Variants in ABAT observed in about 807,000 individuals in gnomAD.
ABAT encodes 4-aminobutyrate aminotransferase, mitochondrial.
In ABAT, 45 loss-of-function variants were observed where a neutral mutation model predicts 64.6. That is an observed-to-expected ratio of 0.70 (90% CI 0.55 to 0.89). The LOEUF is 0.89. ABAT is among the 40% of genes least tolerant of loss of function. The pLI is 0.00. For missense variants in ABAT, 633 were observed against 658.4 expected (o/e 0.96, Z 0.42); for synonymous variants, 297 against 250.5 (o/e 1.19, Z -1.75).
At chr16:8,730,966 T>C (rs1178446781) in intron 1 of ABAT, among the ~76,000 whole-genome samples, 1 of 152,232 alleles carries the variant, frequency 6.6e-6, no homozygotes, top group Non-Finnish European at 1.5e-5. Context: ...AAACTATTTC[T>C]AATTTTTTGT....
At chr16:8,678,343 G>A (rs937849121) in intron 1 of ABAT, among the ~76,000 whole-genome samples, 3 of 152,074 alleles carry the variant, frequency 2.0e-5, no homozygotes, top group Admixed American at 6.6e-5. Context: ...CAACCAAAGC[G>A]CTGGGGTTAC....
In ABAT at chr16:8,780,578, G is replaced by A. The variant is rs144979585; in HGVS notation, c.1382-731G>A. The A allele has an allele frequency of 7.8e-3, 1,216 of 155,986 alleles. 11 individuals are homozygous for A. Among genetic ancestry groups the A allele is most frequent in the African/African-American group, 0.027 (1,132 of 41,518 alleles). The allele number at this position is 155,986 out of a possible 1,614,324, so 9.7% of individuals were successfully genotyped here. A position where few individuals can be genotyped will look rare whatever the true frequency, so the allele number is the denominator to read the frequency against. The stretch of plus-strand genomic sequence containing the variant: ...GGAGTTCGAGACCAGCCTGGCCAAC[G>A]GGGCAAAACCTCATCTCTACTGAAA... On this transcript the variant is annotated intron_variant, in intron 15 of 15. Transcript: ENST00000268251.
chr16:8,768,904 A>G lies in ABAT; in HGVS notation c.747A>G (p.Pro249=). 2 of 1,614,120 alleles carry G rather than the reference A, an allele frequency of 1.2e-6. No homozygotes were observed. The highest frequency in any genetic ancestry group is 1.1e-5 in the South Asian group (1 of 91,080). ...TTGACTGGCCCATCGCACCGTTCCC[A>G]CGGCTGAAATACCCTCTGGAAGAGT... is the stretch of plus-strand genomic sequence containing the variant. The part of the protein sequence containing the change: ...PSFDWPIAPF[P]RLKYPLEEFV... Residue 249 remains proline (P), a synonymous_variant, in exon 11 of 16, where the codon CCA becomes CCG. Transcript: ENST00000268251.
chr16:8,681,792 C>A (rs2057340067), intron 1 of ABAT, among the ~76,000 whole-genome samples: 1 of 152,012 alleles, frequency 6.6e-6, no homozygotes, highest in African/African-American at 2.4e-5. Flanking sequence ...CAGGCACCCG[C>A]CACCACACTC....
intron 1 of ABAT, among the ~76,000 whole-genome samples, chr16:8,699,490 A>C (rs73497655): frequency 6.6e-6 from 1 of 151,946 alleles, no homozygotes; most frequent in Non-Finnish European, 1.5e-5. Context: ...CCTGGGAATC[A>C]GAGGTTGCAG....
intron 1 of ABAT, among the ~76,000 whole-genome samples, chr16:8,687,566 G>A (rs958094619): frequency 1.3e-5 from 2 of 152,186 alleles, no homozygotes; most frequent in Non-Finnish European, 2.9e-5. Context: ...TGAGCAGCTT[G>A]CTGTTTGTTT....
intron 13 of ABAT, among the ~76,000 whole-genome samples, chr16:8,775,416 C>A (rs1206135488): frequency 1.3e-5 from 2 of 152,288 alleles, no homozygotes; most frequent in African/African-American, 4.8e-5. Context: ...TTATTTTTAT[C>A]CTCATTTGAC....
At chr16:8,699,696 G>C (rs1389211080) in intron 1 of ABAT, among the ~76,000 whole-genome samples, 1 of 151,422 alleles carries the variant, frequency 6.6e-6, no homozygotes, top group Non-Finnish European at 1.5e-5. Context: ...TGAGTAGCTG[G>C]GACTACAGGT....
intron 1 of ABAT, among the ~76,000 whole-genome samples, chr16:8,721,682 A>C (rs1051222606): frequency 6.6e-6 from 1 of 152,198 alleles, no homozygotes; most frequent in Non-Finnish European, 1.5e-5. Context: ...TGGTACTTTT[A>C]CTATGATTAT....
intron 10 of ABAT, 98 bp downstream of exon 10, chr16:8,768,354 C>T (rs2060006620): frequency 1.7e-6 from 2 of 1,204,642 alleles, no homozygotes; most frequent in Non-Finnish European, 2.4e-6. Flanking sequence ...CACATATTGT[C>T]CCACTGATTG....
intron 14 of ABAT, among the ~76,000 whole-genome samples, chr16:8,778,151 A>C (rs532710199): frequency 2.6e-5 from 4 of 152,122 alleles, no homozygotes; most frequent in African/African-American, 9.7e-5. Flanking sequence ...GACAGCAGAG[A>C]GTAAGGTGAA....
Position 8,738,005 on chromosome 16 carries a change from A to G in ABAT, c.70+2196A>G, listed in dbSNP as rs1307059296. On this transcript the variant is annotated intron_variant, in intron 2 of 15. Transcript: ENST00000268251. Reference sequence around the variant, plus strand: ...GGAAGGAAGGAGGAAAGAAAGAAAGAAAGAAAGAAAGGAAAGAAAGAAAGA... The same window carrying G: ...GGAAGGAAGGAGGAAAGAAAGAAAGGAAGAAAGAAAGGAAAGAAAGAAAGA... Among the ~76,000 whole-genome samples the G allele has an allele frequency of 5.2e-5, 6 of 116,128 alleles. 1 individual carries two copies. The highest frequency in any genetic ancestry group is 3.4e-4 in the South Asian group (1 of 2,946). The allele number at this position is 116,128 out of a possible 152,430, so 76.2% of individuals were successfully genotyped here. A position where few individuals can be genotyped will look rare whatever the true frequency, so the allele number is the denominator to read the frequency against.
intron 3 of ABAT, 143 bp downstream of exon 3, chr16:8,746,241 G>T (rs72770121): frequency 0.12 from 89,181 of 735,548 alleles, 5,973 homozygotes; most frequent in African/African-American, 0.19. Flanking sequence ...GATACTCAAT[G>T]AGGCCATTTT....
Position 8,717,846 on chromosome 16 carries a change from G to A in ABAT, c.-41-17853G>A, listed in dbSNP as rs527709120. ...CTTTTTTTTTTTCTTTTAGAGATGG[G>A]GTCTCGCTCTGTCACCCAGGCTGAT... On this transcript the variant is annotated intron_variant, in intron 1 of 15. Coordinates refer to ENST00000268251, the MANE Select transcript of ABAT (RefSeq NM_020686.6). 2.1e-4 allele frequency among the ~76,000 whole-genome samples: 32 copies of A among 151,376 alleles called. No individual in the cohort carries two copies. The South Asian group carries it at 5.8e-3, about 28-fold the overall frequency.
chr16:8,732,147 C>A (rs925174408), intron 1 of ABAT, among the ~76,000 whole-genome samples: 1 of 151,598 alleles, frequency 6.6e-6, no homozygotes, highest in African/African-American at 2.4e-5. Flanking sequence ...GTCACCATGC[C>A]CAGACCCTCT....
At chr16:8,709,376 T>G (rs1212936782) in intron 1 of ABAT, among the ~76,000 whole-genome samples, 1 of 151,498 alleles carries the variant, frequency 6.6e-6, no homozygotes, top group Non-Finnish European at 1.5e-5. Flanking sequence ...ATTTATTTAT[T>G]TATTTATTTA....
intron 1 of ABAT, among the ~76,000 whole-genome samples, chr16:8,725,235 A>G (rs943928470): frequency 6.6e-6 from 1 of 152,174 alleles, no homozygotes; most frequent in Non-Finnish European, 1.5e-5. Flanking sequence ...TTATTAAGAT[A>G]AACATAACAT....
At chr16:8,734,786 A>T (rs182678900) in intron 1 of ABAT, among the ~76,000 whole-genome samples, 1 of 152,176 alleles carries the variant, frequency 6.6e-6, no homozygotes, top group Non-Finnish European at 1.5e-5. Flanking sequence ...TAGCAGAAAG[A>T]TGTACAGACA....
intron 14 of ABAT, among the ~76,000 whole-genome samples, chr16:8,778,573 G>A (rs144184401): frequency 1.7e-4 from 26 of 152,134 alleles, no homozygotes; most frequent in African/African-American, 5.5e-4. Context: ...TCAGGAGTTC[G>A]AAACCAGCCT....
Sources: allele counts gnomAD v4.1 joint callset (sites outside exome capture counted in the v4.1 genomes callset), GRCh38; gene constraint gnomAD v4.1.1; transcripts MANE v1.5; gene names NCBI Gene and HGNC (gene_info 2026-07-23, HGNC 2026-07-21).